MDN1: variants seen among roughly 807,000 people sequenced by gnomAD.
The protein encoded by MDN1 is midasin AAA ATPase 1, also known as midasin.
A neutral mutation model predicts 669.2 loss-of-function variants in MDN1; 266 were observed. The observed-to-expected ratio is 0.40, with a 90% confidence interval of 0.36 to 0.44. The LOEUF (loss-of-function observed/expected upper bound fraction) is 0.44. Ranked by LOEUF, MDN1 falls within the 20% of genes least tolerant of loss-of-function variation. The pLI is 1.00. For synonymous variants in MDN1, 2,385 were observed against 2,457.1 expected (o/e 0.97, Z 0.87); for missense variants, 5,940 against 6,754.0 (o/e 0.88, Z 4.22).
At chr6:89,712,896 A>G in intron 47 of MDN1, 110 bp from the exon 48 acceptor site, 1 of 983,978 alleles carries the variant, frequency 1.0e-6, no homozygotes, top group East Asian at 2.6e-5. Flanking sequence ...AACTTTTAAT[A>G]CACTCTTCAA....
rs1818267934 is a variant in MDN1, at chr6:89,774,711, T to C, written c.1844A>G (p.Tyr615Cys). Residue 615 changes from tyrosine (Y) to cysteine (C), a missense_variant, in exon 13 of 102, where the codon TAT becomes TGT. Transcript: ENST00000369393. ...RKKAEFFCQL[Y>C]KPEIVINELD... The stretch of plus-strand genomic sequence containing the variant: ...CTCATTGATCACAATTTCTGGTTTA[T>C]AAAGTTGACAAAAGAATTCAGCCTG... The C allele has an allele frequency of 3.1e-6, 5 of 1,613,382 alleles. No individual in the cohort carries two copies. Among genetic ancestry groups the C allele is most frequent in the African/African-American group, 1.3e-5 (1 of 75,036 alleles).
chr6:89,677,283 A>T (rs1430872099), intron 76 of MDN1, among the ~76,000 whole-genome samples: 3 of 151,982 alleles, frequency 2.0e-5, no homozygotes, highest in African/African-American at 7.3e-5. Context: ...TAGTAGACAC[A>T]GGGTTTTGCC....
chr6:89,758,833 A>G lies in MDN1; in HGVS notation c.2588T>C (p.Leu863Pro). 6.2e-7 allele frequency: 1 copy of G among 1,614,178 alleles called. No individual in the cohort carries two copies. The highest frequency in any genetic ancestry group is 8.5e-7 in the Non-Finnish European group (1 of 1,180,026). Residue 863 changes from leucine (L) to proline (P), a missense_variant, in exon 18 of 102, where the codon CTG becomes CCG. Physicochemically the swap from Leu to Pro is moderately conservative, Grantham distance 98. Around this residue, in one of 5 missense-constraint regions of MDN1, gnomAD observed 1,203 missense variants for 1,268.9 expected, o/e 0.95. Coordinates refer to ENST00000369393, the MANE Select transcript of MDN1 (RefSeq NM_014611.3). The part of the protein sequence containing the change: ...LEGSSGSLVL[L>P]DRGDTEPLVR... ...AGTGCTACCTGTGTCTCCTCGATCC[A>G]GCAACACCAGGGATCCAGAAGATCC...
intron 8 of MDN1, among the ~76,000 whole-genome samples, chr6:89,785,848 A>G (rs1379631825): frequency 1.3e-5 from 2 of 152,198 alleles, no homozygotes; most frequent in Non-Finnish European, 2.9e-5. Context: ...ATCTCTATAA[A>G]TAAAATCAAG....
chr6:89,747,517 A>G (rs1816697326), intron 26 of MDN1, 47 bp from the exon 27 acceptor site: 3 of 1,580,638 alleles, frequency 1.9e-6, no homozygotes, highest in Non-Finnish European at 2.6e-6. Flanking sequence ...GCTGCAATGC[A>G]TGGTAAGTTT....
intron 55 of MDN1, 74 bp downstream of exon 55, chr6:89,701,484 A>C: frequency 6.5e-7 from 1 of 1,544,470 alleles, no homozygotes. Context: ...ATACAATGTC[A>C]GTTCCCAAGT....
intron 31 of MDN1, among the ~76,000 whole-genome samples, chr6:89,741,871 C>G (rs1816316008): frequency 6.6e-6 from 1 of 152,022 alleles, no homozygotes; most frequent in African/African-American, 2.4e-5. Flanking sequence ...GAGGCAGAGG[C>G]AGGAGGATCA....
Position 89,712,711 on chromosome 6 carries a change from T to C in MDN1, c.7294A>G (p.Met2432Val), listed in dbSNP as rs1261781103. 11 of 1,614,164 alleles carry C rather than the reference T, an allele frequency of 6.8e-6. No homozygotes were observed. The highest frequency in any genetic ancestry group is 2.2e-5 in the East Asian group (1 of 44,864). The change falls in exon 48 of 102, where the codon ATG (methionine) becomes GTG (valine). Residue 2432 changes from methionine to valine, a missense_variant. Around this residue, in one of 5 missense-constraint regions of MDN1, gnomAD observed 2,292 missense variants for 2,638.3 expected, o/e 0.87. Transcript: ENST00000369393. ...GGCACAGAATCTGGCCACAGTCCCATGCCAAGAATGGAGTCTCCCCAGGTT... is the reference window on the plus strand; with the variant it reads ...GGCACAGAATCTGGCCACAGTCCCACGCCAAGAATGGAGTCTCCCCAGGTT... Reference protein sequence around the residue: ...HETWGDSILGMGLWPDSVPSA... With the variant: ...HETWGDSILGVGLWPDSVPSA...
chr6:89,808,929 G>T (rs1027261958), intron 1 of MDN1, among the ~76,000 whole-genome samples: 27 of 152,084 alleles, frequency 1.8e-4, no homozygotes, highest in African/African-American at 6.5e-4. Flanking sequence ...AAAAGTATAT[G>T]TATTTGGCTG....
chr6:89,655,785 C>T lies in MDN1; in HGVS notation c.15469G>A (p.Ala5157Thr), dbSNP rs762901999. 37 of 1,610,392 alleles carry T rather than the reference C, an allele frequency of 2.3e-5. No individual in the cohort carries two copies. The highest frequency in any genetic ancestry group is 3.4e-5 in the Admixed American group (2 of 59,480). Residue 5157 changes from alanine (A) to threonine (T), a missense_variant, in exon 92 of 102, where the codon GCA (alanine) becomes ACA (threonine). Ala to Thr is a moderately conservative substitution (Grantham distance 58). Transcript: ENST00000369393. ...GTACCATAGGTCTGTGCATCGTATG[C>T]GTCACTGCCTTGTTTAATGTGCTCG... ...AFEHIKQGSD[A>T]YDAQTYDVAS...
At chr6:89,702,238 G>A (rs996267252) in intron 53 of MDN1, among the ~76,000 whole-genome samples, 177 bp from the exon 54 acceptor site, 4 of 152,302 alleles carry the variant, frequency 2.6e-5, no homozygotes, top group Admixed American at 6.5e-5. Flanking sequence ...AGACTGGACT[G>A]GAATATATGT....
rs373778917 is a variant in MDN1 at position 89,650,146 on chromosome 6, T to C, written c.16084A>G (p.Ile5362Val). 2.3e-5 allele frequency: 37 copies of C among 1,614,178 alleles called. 1 individual carries two copies. The East Asian group carries it at 4.2e-4, about 18-fold the overall frequency. Residue 5362 changes from isoleucine to valine, a missense_variant, in exon 97 of 102, where the codon ATT becomes GTT. Around this residue, in one of 5 missense-constraint regions of MDN1, gnomAD observed 2,280 missense variants for 2,576.3 expected, o/e 0.88. Coordinates refer to ENST00000369393, the MANE Select transcript of MDN1 (RefSeq NM_014611.3). ...TTGTCTTTCCGAAATTGACTAGCAATGTATGGAATGACTTTCCGTATGTTT... is the reference window on the plus strand; with the variant it reads ...TTGTCTTTCCGAAATTGACTAGCAACGTATGGAATGACTTTCCGTATGTTT... ...RLNIRKVIPY[I>V]ASQFRKDKIW... is the part of the protein sequence containing the mutation.
At position 89,695,628 on chromosome 6, in the gene MDN1, T is replaced by C. The variant is rs1812684695; in HGVS notation, c.9748A>G (p.Lys3250Glu). ...RFDPAVKREY[K>E]LNYVKEELHQ... The stretch of plus-strand genomic sequence containing the variant: ...ACCTCTTCCTTGACGTAATTGAGCT[T>C]GTACTCCCTCTTCACCGCAGGGTCA... Residue 3250 changes from lysine (K) to glutamate (E), a missense_variant, in exon 61 of 102, where the codon AAG becomes GAG. Transcript: ENST00000369393. The surrounding 1 kb of genome is among the most constrained non-coding windows in gnomAD (Gnocchi z 4.1). 1.9e-6 allele frequency: 3 copies of C among 1,603,400 alleles called. No individual in the cohort carries two copies. The highest frequency in any genetic ancestry group is 2.7e-5 in the African/African-American group (2 of 74,760).
chr6:89,815,101 T>A, intron 1 of MDN1: 1 of 431,632 alleles, frequency 2.3e-6, no homozygotes. Context: ...AGAAGAGGAT[T>A]CAGCTGTATG....
chr6:89,818,320 C>CAAAAA (rs60891640), intron 1 of MDN1, among the ~76,000 whole-genome samples: 3 of 67,840 alleles, frequency 4.4e-5, no homozygotes, highest in African/African-American at 2.0e-4. Context: ...GCCTCCGTCT[C>CAAAAA]AAAAAAAAAA....
chr6:89,749,142 C>A, intron 26 of MDN1, 81 bp downstream of exon 26: 1 of 1,306,922 alleles, frequency 7.7e-7, no homozygotes, highest in Non-Finnish European at 1.0e-6. Context: ...CATCAACAGA[C>A]AGATTCTTTT....
chr6:89,734,691 A>AAAAACGAG (rs1554188774), intron 33 of MDN1, among the ~76,000 whole-genome samples: 4 of 112,984 alleles, frequency 3.5e-5, no homozygotes, highest in African/African-American at 3.5e-5. Context: ...AAAAAAAAAC[A>AAAAACGAG]AGAGAGAGAG....
chr6:89,700,147 T>C lies in MDN1; in HGVS notation c.8786A>G (p.Gln2929Arg). The C allele has an allele frequency of 1.2e-6, 2 of 1,614,222 alleles. No individual in the cohort carries two copies. Among genetic ancestry groups the C allele is most frequent in the Non-Finnish European group, 1.7e-6 (2 of 1,180,042 alleles). ...CAGGTACTCCATTGCAGGCCACAACTGAACACTCCTGGTGAGGTGGATTAC... is the reference window on the plus strand; with the variant it reads ...CAGGTACTCCATTGCAGGCCACAACCGAACACTCCTGGTGAGGTGGATTAC... ...TSVIHLTRSV[Q>R]LWPAMEYLAM... The change falls in exon 57 of 102, where the codon CAG becomes CGG. Residue 2929 changes from glutamine to arginine, a missense_variant. Coordinates refer to ENST00000369393, the MANE Select transcript of MDN1 (RefSeq NM_014611.3).
At chr6:89,729,677 G>GTTTTTTTT (rs35914010) in intron 35 of MDN1, among the ~76,000 whole-genome samples, 51 of 100,764 alleles carry the variant, frequency 5.1e-4, no homozygotes, top group Non-Finnish European at 7.2e-4. Flanking sequence ...TTTTGTTTTC[G>GTTTTTTTT]TTTTTTTTTT....
Sources: gnomAD v4.1 joint callset for allele counts (sites outside exome capture counted in the v4.1 genomes callset) on GRCh38, gnomAD v4.1.1 for gene constraint, gnomAD v4.1.1 regional missense constraint, Gnocchi (gnomAD v3.1) non-coding constraint, MANE v1.5 for transcripts, NCBI Gene and HGNC (gene_info 2026-07-23, HGNC 2026-07-21) for gene names.